Variants in LHFPL3 observed in about 807,000 individuals in gnomAD.
LHFPL3 encodes LHFPL tetraspan subfamily member 3.
In LHFPL3, 5 loss-of-function variants were observed where a neutral mutation model predicts 19.3. The ratio of observed to expected loss-of-function variants is 0.26; its 90% confidence interval spans 0.14 to 0.54. LHFPL3 has a LOEUF of 0.54. Among genes scored for constraint, LHFPL3 ranks in the 20% least tolerant of loss-of-function variants. The pLI is 0.94. For synonymous variants in LHFPL3, 133 were observed against 126.2 expected, an observed-to-expected ratio of 1.05 and a Z score of -0.36; for missense variants, 249 against 307.4, an observed-to-expected ratio of 0.81 and a Z score of 1.42.
intron 1 of LHFPL3, among the ~76,000 whole-genome samples, chr7:104,547,359 A>G (rs981128481): frequency 6.6e-6 from 1 of 151,240 alleles, no homozygotes; most frequent in Non-Finnish European, 1.5e-5. Flanking sequence ...CAGTGTAGAT[A>G]GTTGCATTGG....
chr7:104,642,384 A>G (rs568953075), intron 1 of LHFPL3, among the ~76,000 whole-genome samples: 2 of 152,108 alleles, frequency 1.3e-5, no homozygotes, highest in South Asian at 2.1e-4. Flanking sequence ...CTTCACACAG[A>G]GATTTTCTAC....
At chr7:104,514,907 T>G (rs2115783870) in intron 1 of LHFPL3, among the ~76,000 whole-genome samples, 1 of 152,312 alleles carries the variant, frequency 6.6e-6, no homozygotes, top group African/African-American at 2.4e-5. Context: ...CAACCCACCT[T>G]CTTTTGAAAC....
At chr7:104,780,005 C>A (rs561909653) in intron 2 of LHFPL3, among the ~76,000 whole-genome samples, 53 of 152,198 alleles carry the variant, frequency 3.5e-4, no homozygotes, top group African/African-American at 1.3e-3. Flanking sequence ...AGTATGTGAC[C>A]AGAGAGACAA....
intron 1 of LHFPL3, among the ~76,000 whole-genome samples, chr7:104,594,936 G>A (rs140946971): frequency 5.9e-5 from 9 of 152,220 alleles, no homozygotes; most frequent in Middle Eastern, 6.8e-3. Flanking sequence ...TTAGCCATTC[G>A]TCTAATCTCT....
intron 2 of LHFPL3, chr7:104,785,357 G>A (rs1446751389): frequency 6.6e-6 from 1 of 152,038 alleles, no homozygotes; most frequent in Non-Finnish European, 1.5e-5. Context: ...TCTACTTCCG[G>A]TCTCCAGAAT....
At chr7:104,882,678 A>G (rs1792079406) in intron 2 of LHFPL3, among the ~76,000 whole-genome samples, 1 of 152,222 alleles carries the variant, frequency 6.6e-6, no homozygotes, top group Non-Finnish European at 1.5e-5. Flanking sequence ...TGGGGTTTTC[A>G]TGGTGATGAA....
intron 2 of LHFPL3, among the ~76,000 whole-genome samples, chr7:104,900,877 A>G (rs1792469315): frequency 6.6e-6 from 1 of 152,254 alleles, no homozygotes; most frequent in Non-Finnish European, 1.5e-5. Flanking sequence ...CTGACTGAAC[A>G]AAGATCCAAA....
chr7:104,846,512 C>T (rs1791315439), intron 2 of LHFPL3, among the ~76,000 whole-genome samples: 1 of 151,612 alleles, frequency 6.6e-6, no homozygotes, highest in Admixed American at 6.6e-5. Context: ...GCTGATGAGT[C>T]CTTAGAGATG....
At chr7:104,768,568 G>A (rs1309146221) in intron 2 of LHFPL3, 1 of 152,182 alleles carries the variant, frequency 6.6e-6, no homozygotes, top group Non-Finnish European at 1.5e-5. Flanking sequence ...CCTCTTCCTA[G>A]CAGCAGAATC....
At position 104,753,603 on chromosome 7, in the gene LHFPL3, G is replaced by A. The variant is rs147822499; in HGVS notation, c.682+16692G>A. 1.0e-3 allele frequency among the ~76,000 whole-genome samples: 159 copies of A among 151,846 alleles called. 3 individuals carry two copies. The East Asian group carries it at 0.027, about 26-fold the overall frequency. ...CAAAATAGGACTTCTGTTCATGAGA[G>A]ACAGCAAACACAAAGACCAGATGAT... On this transcript the variant is annotated intron_variant, in intron 2 of 2. Transcript: ENST00000424859.
intron 2 of LHFPL3, among the ~76,000 whole-genome samples, chr7:104,830,080 A>C (rs1438837464): frequency 1.3e-5 from 2 of 152,006 alleles, no homozygotes; most frequent in Non-Finnish European, 2.9e-5. Context: ...TCTGATGGCC[A>C]GTGATGATGA....
At chr7:104,828,511 CAAGGA>C (rs1170163017) in intron 2 of LHFPL3, among the ~76,000 whole-genome samples, 3 of 151,940 alleles carry the variant, frequency 2.0e-5, no homozygotes, top group South Asian at 2.1e-4. Context: ...TCATTCTAGC[CAAGGA>C]AAGTCTGCTG....
intron 1 of LHFPL3, among the ~76,000 whole-genome samples, chr7:104,667,421 C>G (rs1463992915): frequency 6.6e-6 from 1 of 152,172 alleles, no homozygotes; most frequent in Non-Finnish European, 1.5e-5. Context: ...GCTGTTACTT[C>G]GTAGATTTGA....
chr7:104,578,868 C>G (rs1790399335), intron 1 of LHFPL3, among the ~76,000 whole-genome samples: 1 of 152,182 alleles, frequency 6.6e-6, no homozygotes, highest in African/African-American at 2.4e-5. Flanking sequence ...AGTCTAAGAC[C>G]ATACTTAACT....
intron 1 of LHFPL3, among the ~76,000 whole-genome samples, chr7:104,378,258 T>C (rs1165577525): frequency 2.6e-5 from 4 of 152,246 alleles, no homozygotes; most frequent in Non-Finnish European, 5.9e-5. Context: ...CTCAGGCGAC[T>C]TCTGTCATTA....
At chr7:104,475,838 G>A (rs1792999741) in intron 1 of LHFPL3, among the ~76,000 whole-genome samples, 1 of 152,102 alleles carries the variant, frequency 6.6e-6, no homozygotes, top group Admixed American at 6.5e-5. Flanking sequence ...ACCAGAAAAT[G>A]GTGAATAACT....
intron 1 of LHFPL3, among the ~76,000 whole-genome samples, chr7:104,333,553 T>C (rs200095682): frequency 6.6e-6 from 1 of 152,206 alleles, no homozygotes; most frequent in East Asian, 1.9e-4. Flanking sequence ...AAGGGTTGAA[T>C]TGTTTAGTCT....
At chr7:104,711,520 G>A (rs774456118) in intron 1 of LHFPL3, among the ~76,000 whole-genome samples, 2 of 152,226 alleles carry the variant, frequency 1.3e-5, no homozygotes, top group Non-Finnish European at 2.9e-5. Flanking sequence ...ATTGCGTCCT[G>A]CAGTAAGATA....
intron 1 of LHFPL3, among the ~76,000 whole-genome samples, chr7:104,638,685 A>G (rs972768102): frequency 1.3e-5 from 2 of 151,908 alleles, no homozygotes; most frequent in Non-Finnish European, 2.9e-5. Flanking sequence ...TATACGATGT[A>G]TCAATATTTA....
Sources: allele counts gnomAD v4.1 joint callset (sites outside exome capture counted in the v4.1 genomes callset), GRCh38; gene constraint gnomAD v4.1.1; transcripts MANE v1.5; gene names NCBI Gene and HGNC (gene_info 2026-07-23, HGNC 2026-07-21).